The following ATRNL1 variants were observed in gnomAD, a reference collection of about 807,000 sequenced individuals.
ATRNL1 encodes attractin like 1, also known as attractin-like protein 1.
ATRNL1 carries 95 observed loss-of-function variants against 182.7 expected under a neutral mutation model. That is an observed-to-expected ratio of 0.52 (90% confidence interval 0.44 to 0.62). ATRNL1 has a LOEUF of 0.62. ATRNL1 is among the 20% of genes least tolerant of loss of function. The probability of loss-of-function intolerance (pLI) is 0.00; values close to 1 mark genes in which losing one functional copy is unlikely to be tolerated. For missense variants in ATRNL1, 1,471 were observed against 1,679.5 expected (o/e 0.88, Z 2.17); for synonymous variants, 576 against 568.3 (o/e 1.01, Z -0.19).
intron 26 of ATRNL1, among the ~76,000 whole-genome samples, chr10:115,572,873 C>T (rs1202227488): frequency 1.3e-5 from 2 of 152,136 alleles, no homozygotes; most frequent in Admixed American, 1.3e-4. Context: ...TTTGGTTGCC[C>T]TGCAGCTCAA....
At chr10:115,826,552 G>T (rs549322113) in intron 27 of ATRNL1, among the ~76,000 whole-genome samples, 1 of 152,106 alleles carries the variant, frequency 6.6e-6, no homozygotes, top group Admixed American at 6.6e-5. Context: ...GTGAGCAGGG[G>T]TGTTAGAGCT....
intron 25 of ATRNL1, among the ~76,000 whole-genome samples, chr10:115,541,081 A>G (rs2133786214): frequency 6.6e-6 from 1 of 152,316 alleles, no homozygotes; most frequent in Non-Finnish European, 1.5e-5. Context: ...AAAAAAACCT[A>G]ACACTTTTTC....
intron 28 of ATRNL1, among the ~76,000 whole-genome samples, chr10:115,896,846 A>G (rs1952220237): frequency 6.6e-6 from 1 of 152,180 alleles, no homozygotes; most frequent in Non-Finnish European, 1.5e-5. Context: ...AAAATAGTGT[A>G]CTATAAAAAG....
At chr10:115,896,160 G>A (rs1249304974) in intron 28 of ATRNL1, among the ~76,000 whole-genome samples, 1 of 151,954 alleles carries the variant, frequency 6.6e-6, no homozygotes, top group Non-Finnish European at 1.5e-5. Context: ...AAAACATATT[G>A]CCCATTCTAT....
At chr10:115,284,615 G>A (rs1285939434) in intron 14 of ATRNL1, among the ~76,000 whole-genome samples, 2 of 152,166 alleles carry the variant, frequency 1.3e-5, no homozygotes, top group African/African-American at 4.8e-5. Context: ...TCCCCAAGAT[G>A]CTTTCGAGTG....
chr10:115,903,573 A>G (rs1162058780), intron 28 of ATRNL1, among the ~76,000 whole-genome samples: 1 of 152,174 alleles, frequency 6.6e-6, no homozygotes, highest in Non-Finnish European at 1.5e-5. Flanking sequence ...GCTAAAAGAG[A>G]TTCAAATCCT....
chr10:115,380,851 C>T (rs868940538), intron 19 of ATRNL1, among the ~76,000 whole-genome samples: 2 of 151,882 alleles, frequency 1.3e-5, no homozygotes, highest in African/African-American at 2.4e-5. Context: ...ATGAACATTC[C>T]GTGTATGTTT....
intron 18 of ATRNL1, among the ~76,000 whole-genome samples, chr10:115,327,728 A>G (rs1204726121): frequency 6.6e-6 from 1 of 151,830 alleles, no homozygotes; most frequent in Non-Finnish European, 1.5e-5. Context: ...AATGTGGCAC[A>G]TATACACCAT....
chr10:115,817,280 A>G (rs145874344), intron 27 of ATRNL1, among the ~76,000 whole-genome samples: 217 of 152,212 alleles, frequency 1.4e-3, no homozygotes, highest in Middle Eastern at 6.8e-3. Context: ...ATCCTGTACT[A>G]TTTAAAAATT....
intron 26 of ATRNL1, among the ~76,000 whole-genome samples, chr10:115,575,965 A>G (rs1304906426): frequency 6.6e-6 from 1 of 152,084 alleles, no homozygotes; most frequent in Non-Finnish European, 1.5e-5. Context: ...AACTTGTTTT[A>G]GGTATCACAT....
intron 28 of ATRNL1, among the ~76,000 whole-genome samples, chr10:115,921,426 G>A (rs1953058285): frequency 1.3e-5 from 2 of 152,088 alleles, no homozygotes; most frequent in Non-Finnish European, 2.9e-5. Flanking sequence ...CCTCTATAAA[G>A]CAGTTTTCTT....
chr10:115,745,655 A>G (rs1012585946), intron 27 of ATRNL1, among the ~76,000 whole-genome samples: 8 of 152,130 alleles, frequency 5.3e-5, no homozygotes, highest in African/African-American at 1.9e-4. Flanking sequence ...TTGTTTTGTT[A>G]TTCTAATGAC....
intron 27 of ATRNL1, among the ~76,000 whole-genome samples, chr10:115,829,376 G>A (rs1431857836): frequency 6.6e-6 from 1 of 151,992 alleles, no homozygotes; most frequent in Non-Finnish European, 1.5e-5. Flanking sequence ...TTTTAAGCGG[G>A]TAAGACACAT....
chr10:115,115,706 G>A (rs1554869728), intron 1 of ATRNL1, among the ~76,000 whole-genome samples: 1 of 152,050 alleles, frequency 6.6e-6, no homozygotes, highest in Non-Finnish European at 1.5e-5. Flanking sequence ...GGTTATGCCA[G>A]GACTAAACCT....
chr10:115,880,818 T>A (rs1951810140), intron 28 of ATRNL1, among the ~76,000 whole-genome samples: 1 of 152,192 alleles, frequency 6.6e-6, no homozygotes, highest in Non-Finnish European at 1.5e-5. Context: ...TTTATCTTGC[T>A]GCAATGTATG....
Position 115,726,378 on chromosome 10 carries a change from G to A in ATRNL1, c.3796-870G>A, listed in dbSNP as rs186310334. 1.4e-4 allele frequency among the ~76,000 whole-genome samples: 20 copies of A among 144,196 alleles called. No individual in the cohort carries two copies. In the South Asian group the frequency reaches 3.6e-3, roughly 26 times the overall value. 94.6% of individuals were successfully genotyped at this position (144,196 alleles called of 152,430 possible). On this transcript the variant is annotated intron_variant, in intron 26 of 28. Coordinates refer to ENST00000355044, the MANE Select transcript of ATRNL1 (RefSeq NM_207303.4). ...TAAAGAGTATTTAATTGCATCACAC[G>A]TCCTATTTTAATATTTAATAATAAT...
chr10:115,770,726 C>T (rs1013024882), intron 27 of ATRNL1, among the ~76,000 whole-genome samples: 1 of 152,100 alleles, frequency 6.6e-6, no homozygotes, highest in African/African-American at 2.4e-5. Flanking sequence ...GAAAAAAATA[C>T]TTCAAGGTCT....
At chr10:115,852,465 C>T (rs1951078696) in intron 28 of ATRNL1, among the ~76,000 whole-genome samples, 1 of 151,810 alleles carries the variant, frequency 6.6e-6, no homozygotes, top group South Asian at 2.1e-4. Context: ...GAAAGAGGAC[C>T]AGGCATTATA....
intron 25 of ATRNL1, among the ~76,000 whole-genome samples, chr10:115,527,066 C>T (rs917614167): frequency 2.6e-5 from 4 of 151,110 alleles, no homozygotes; most frequent in African/African-American, 9.7e-5. Flanking sequence ...AGTGCAGTAG[C>T]TGGGGCCACT....
Sources: gnomAD v4.1 joint callset for allele counts (sites outside exome capture counted in the v4.1 genomes callset) on GRCh38, gnomAD v4.1.1 for gene constraint, MANE v1.5 for transcripts, NCBI Gene and HGNC (gene_info 2026-07-23, HGNC 2026-07-21) for gene names.